The following KIF16B variants were observed in gnomAD, a reference collection of about 807,000 sequenced individuals.
KIF16B encodes kinesin-like protein KIF16B.
Under a neutral mutation model 156.3 loss-of-function variants are expected in KIF16B, and 98 were observed. The observed-to-expected ratio is 0.63, with a 90% CI of 0.53 to 0.74. The LOEUF is 0.74. Ranked by LOEUF, KIF16B falls within the 30% of genes least tolerant of loss-of-function variation. The pLI, the probability that KIF16B is intolerant of heterozygous loss-of-function variation, is 0.00. For missense variants in KIF16B, 1,421 were observed against 1,606.5 expected, an observed-to-expected ratio of 0.88 and a Z score of 1.97; for synonymous variants, 564 against 583.7, an observed-to-expected ratio of 0.97 and a Z score of 0.49.
At chr20:16,373,276 C>T (rs146490472) in intron 20 of KIF16B, among the ~76,000 whole-genome samples, 1 of 152,298 alleles carries the variant, frequency 6.6e-6, no homozygotes, top group East Asian at 1.9e-4. Flanking sequence ...CTGATAGTCA[C>T]TTAAATTTGA....
chr20:16,278,744 G>A (rs2063101149), intron 25 of KIF16B, among the ~76,000 whole-genome samples: 1 of 152,188 alleles, frequency 6.6e-6, no homozygotes, highest in Non-Finnish European at 1.5e-5. Context: ...CAGAAGAAGG[G>A]GGGATGTGGT....
At chr20:16,527,666 T>A (rs1202413462) in intron 2 of KIF16B, among the ~76,000 whole-genome samples, 2 of 152,210 alleles carry the variant, frequency 1.3e-5, no homozygotes, top group East Asian at 1.9e-4. Context: ...AGCCTTGATC[T>A]CCTGGGCTCA....
At position 16,498,769 on chromosome 20, in the gene KIF16B, TAGA is replaced by T. The variant is rs200668850; in HGVS notation, c.1177-1094_1177-1092del. Among the ~76,000 whole-genome samples, 132 of 152,144 alleles carry T rather than the reference TAGA, an allele frequency of 8.7e-4. 4 individuals are homozygous for T. In the East Asian group the frequency reaches 0.025, roughly 29 times the overall value. On this transcript the variant is annotated intron_variant, in intron 10 of 25. Coordinates refer to ENST00000354981, the MANE Select transcript of KIF16B (RefSeq NM_024704.5). ...TGGCTCTATGAATAGAATAAATTCC[TAGA>T]AGAAGAATTTGTGAGTCATCTATAC... is the stretch of plus-strand genomic sequence containing the variant.
chr20:16,323,710 C>G (rs899140597), intron 24 of KIF16B, among the ~76,000 whole-genome samples: 4 of 151,716 alleles, frequency 2.6e-5, no homozygotes, highest in African/African-American at 9.7e-5. Flanking sequence ...CATACTAGAC[C>G]CTCCTGAAGT....
chr20:16,294,336 G>A (rs187190436), intron 25 of KIF16B, among the ~76,000 whole-genome samples: 1 of 152,198 alleles, frequency 6.6e-6, no homozygotes, highest in Non-Finnish European at 1.5e-5. Context: ...AGCAGAGCCT[G>A]AGGCAGTATT....
At chr20:16,385,976 T>C (rs1568921670) in intron 17 of KIF16B, among the ~76,000 whole-genome samples, 4 of 152,162 alleles carry the variant, frequency 2.6e-5, no homozygotes, top group Non-Finnish European at 5.9e-5. Context: ...CAAGCTAAGC[T>C]CAGTTTTACA....
At chr20:16,329,111 C>T (rs1464600105) in intron 24 of KIF16B, among the ~76,000 whole-genome samples, 1 of 152,198 alleles carries the variant, frequency 6.6e-6, no homozygotes, top group Non-Finnish European at 1.5e-5. Context: ...GACCTTCCAG[C>T]CTCATGTCAT....
intron 25 of KIF16B, among the ~76,000 whole-genome samples, chr20:16,286,259 T>C (rs1383537297): frequency 6.6e-6 from 1 of 152,208 alleles, no homozygotes; most frequent in Non-Finnish European, 1.5e-5. Context: ...ACCCATAGGG[T>C]AAATTCCTAA....
intron 12 of KIF16B, among the ~76,000 whole-genome samples, chr20:16,471,696 T>G (rs2067666807): frequency 6.6e-6 from 1 of 152,196 alleles, no homozygotes. Flanking sequence ...CACAGAATGA[T>G]GCAAAAGCAA....
chr20:16,358,393 A>G (rs1321782688), intron 22 of KIF16B, among the ~76,000 whole-genome samples: 1 of 152,182 alleles, frequency 6.6e-6, no homozygotes, highest in African/African-American at 2.4e-5. Context: ...CCACAAGCAT[A>G]ACATACTCTA....
chr20:16,543,477 T>C (rs1361509261), intron 1 of KIF16B, among the ~76,000 whole-genome samples: 2 of 152,200 alleles, frequency 1.3e-5, no homozygotes, highest in African/African-American at 2.4e-5. Flanking sequence ...TCCAGAAGCA[T>C]AGGACAGAAG....
chr20:16,540,882 C>G lies in KIF16B; in HGVS notation c.48-12442G>C, dbSNP rs77609424. Among the ~76,000 whole-genome samples, 694 of 152,246 alleles carry G rather than the reference C, an allele frequency of 4.6e-3. 7 individuals carry two copies. Among genetic ancestry groups the G allele is most frequent in the African/African-American group, 0.015 (643 of 41,562 alleles). ...ATTGCAATATTTTTGCTTGCTAAGT[C>G]TGACACACTGTTTCTTACCCAATGG... is the stretch of plus-strand genomic sequence containing the variant. On this transcript the variant is annotated intron_variant, in intron 1 of 25. Coordinates refer to ENST00000354981, the MANE Select transcript of KIF16B (RefSeq NM_024704.5).
At chr20:16,509,674 G>C (rs1235117257) in intron 6 of KIF16B, among the ~76,000 whole-genome samples, 1 of 152,134 alleles carries the variant, frequency 6.6e-6, no homozygotes, top group Non-Finnish European at 1.5e-5. Flanking sequence ...TGTTGAATCT[G>C]TCCTTACTGA....
intron 12 of KIF16B, among the ~76,000 whole-genome samples, chr20:16,439,273 C>T (rs561187912): frequency 1.2e-4 from 19 of 152,320 alleles, no homozygotes; most frequent in African/African-American, 3.8e-4. Context: ...ATCCCCCAAT[C>T]GGTCTTTTTG....
chr20:16,500,943 G>C (rs1283138034), intron 10 of KIF16B, among the ~76,000 whole-genome samples: 1 of 151,478 alleles, frequency 6.6e-6, no homozygotes, highest in African/African-American at 2.4e-5. Flanking sequence ...TGATTTACTT[G>C]TTGTCTCCAG....
intron 25 of KIF16B, among the ~76,000 whole-genome samples, chr20:16,304,377 C>T (rs951597373): frequency 1.3e-5 from 2 of 152,146 alleles, no homozygotes; most frequent in African/African-American, 4.8e-5. Context: ...CTCAGGATTG[C>T]AGCATCTTCA....
intron 25 of KIF16B, among the ~76,000 whole-genome samples, chr20:16,311,975 A>C (rs1472518316): frequency 6.6e-6 from 1 of 152,168 alleles, no homozygotes; most frequent in Non-Finnish European, 1.5e-5. Flanking sequence ...AATACTATAA[A>C]TTTTCAGTTA....
At chr20:16,424,619 A>C (rs1422750928) in intron 15 of KIF16B, among the ~76,000 whole-genome samples, 2 of 152,178 alleles carry the variant, frequency 1.3e-5, no homozygotes, top group Non-Finnish European at 2.9e-5. Flanking sequence ...ATTCTTACAT[A>C]GTTCAGCCCA....
At chr20:16,483,639 T>C (rs1239762093) in intron 12 of KIF16B, among the ~76,000 whole-genome samples, 2 of 152,138 alleles carry the variant, frequency 1.3e-5, no homozygotes, top group African/African-American at 4.8e-5. Flanking sequence ...TCTCCCCTTA[T>C]ATAACAGGAA....
Sources: allele counts gnomAD v4.1 joint callset (sites outside exome capture counted in the v4.1 genomes callset), GRCh38; gene constraint gnomAD v4.1.1; transcripts MANE v1.5; gene names NCBI Gene and HGNC (gene_info 2026-07-23, HGNC 2026-07-21).